RAP1GAP: variants seen among roughly 807,000 people sequenced by gnomAD.
RAP1GAP encodes RAP1 GTPase activating protein, also known as rap1 GTPase-activating protein 1.
RAP1GAP carries 35 observed loss-of-function variants against 87.2 expected under a neutral mutation model. That is an observed-to-expected ratio of 0.40 (90% CI 0.31 to 0.53). The LOEUF is 0.53. RAP1GAP is among the 20% of genes least tolerant of loss of function. RAP1GAP has a pLI of 0.48. For missense variants in RAP1GAP, 734 were observed against 898.9 expected, an observed-to-expected ratio of 0.82 and a Z score of 2.35; for synonymous variants, 375 against 363.9, an observed-to-expected ratio of 1.03 and a Z score of -0.35.
chr1:21,628,223 G>T (rs1157435686), intron 2 of RAP1GAP, among the ~76,000 whole-genome samples: 2 of 152,026 alleles, frequency 1.3e-5, no homozygotes, highest in Non-Finnish European at 2.9e-5. Flanking sequence ...AGAGTCTGGA[G>T]TGGGAGGGTG....
At chr1:21,629,578 C>T (rs889417724) in intron 2 of RAP1GAP, among the ~76,000 whole-genome samples, 3 of 152,050 alleles carry the variant, frequency 2.0e-5, no homozygotes, top group Non-Finnish European at 4.4e-5. Context: ...CTGCTGAGGC[C>T]GTAAGGGGCA....
At position 21,613,250 on chromosome 1, in the gene RAP1GAP, G is replaced by C; in HGVS notation, c.475-21C>G. On this transcript the variant is annotated intron_variant, in intron 9 of 24. Coordinates refer to ENST00000374765, the MANE Select transcript of RAP1GAP (RefSeq NM_002885.4). This position sits in a 1 kb window ranked among gnomAD's most constrained non-coding sequence, Gnocchi z 4.7. Reference sequence around the variant, plus strand: ...ACCAACTGCAGGAGGAGATAAGGGAGGGGTGTGAGGTGTGGGGCCAGGGAG... The same window carrying C: ...ACCAACTGCAGGAGGAGATAAGGGACGGGTGTGAGGTGTGGGGCCAGGGAG... 6.5e-7 allele frequency: 1 copy of C among 1,537,190 alleles called. No homozygotes were observed. Among genetic ancestry groups the C allele is most frequent in the Non-Finnish European group, 9.0e-7 (1 of 1,110,202 alleles).
intron 13 of RAP1GAP, among the ~76,000 whole-genome samples, chr1:21,611,153 C>T (rs2077965209): frequency 6.6e-6 from 1 of 152,198 alleles, no homozygotes; most frequent in Non-Finnish European, 1.5e-5. Flanking sequence ...ATGATGCTCT[C>T]CACTCCCCAT....
rs1239585468 is a variant in RAP1GAP at position 21,626,537 on chromosome 1, G to A, written c.-112-140C>T. 1.8e-5 allele frequency: 12 copies of A among 678,642 alleles called. No individual in the cohort carries two copies. The East Asian group carries it at 1.9e-4, about 11-fold the overall frequency. The allele number at this position is 678,642 out of a possible 1,614,324, so 42.0% of individuals were successfully genotyped here. A position where few individuals can be genotyped will look rare whatever the true frequency, so the allele number is the denominator to read the frequency against. ...GAGGGTCATGGGTTCCCCAAGAGGA[G>A]GGAGAGGAGGGGCTTCATTAGCAGG... is the stretch of plus-strand genomic sequence containing the variant. On this transcript the variant is annotated intron_variant, in intron 2 of 24. Coordinates refer to ENST00000374765, the MANE Select transcript of RAP1GAP (RefSeq NM_002885.4).
intron 2 of RAP1GAP, among the ~76,000 whole-genome samples, chr1:21,637,733 G>T (rs1318110312): frequency 6.6e-6 from 1 of 152,064 alleles, no homozygotes; most frequent in Non-Finnish European, 1.5e-5. Context: ...GACAAAGAAG[G>T]TCTTTAGTCT....
chr1:21,600,067 C>T (rs1301597201), intron 20 of RAP1GAP, among the ~76,000 whole-genome samples: 1 of 152,196 alleles, frequency 6.6e-6, no homozygotes, highest in African/African-American at 2.4e-5. Context: ...GACAGGCACA[C>T]AGCCCAGGGT....
rs2076845689 is a variant in RAP1GAP at position 21,609,437 on chromosome 1, C to T, written c.1071+138G>A. ...TTCAAGATGAATGGAAAAGCCAGGC[C>T]CCGGTTGCAGTTAGGGGAGCCCAGC... On this transcript the variant is annotated intron_variant, in intron 15 of 24. Coordinates refer to ENST00000374765, the MANE Select transcript of RAP1GAP (RefSeq NM_002885.4). The surrounding 1 kb of genome is among the most constrained non-coding windows in gnomAD (Gnocchi z 4.4). 1.4e-5 allele frequency: 7 copies of T among 508,900 alleles called. No individual in the cohort carries two copies. The South Asian group carries it at 3.3e-4, about 24-fold the overall frequency. 31.5% of individuals were successfully genotyped at this position (508,900 alleles called of 1,614,324 possible).
rs780639133 is a variant in RAP1GAP at position 21,611,562 on chromosome 1, C to A, written c.733G>T (p.Val245Leu). The A allele has an allele frequency of 6.2e-7, 1 of 1,614,182 alleles. No individual in the cohort carries two copies. Among genetic ancestry groups the A allele is most frequent in the Non-Finnish European group, 8.5e-7 (1 of 1,180,032 alleles). The change falls in exon 13 of 25, where the codon GTG becomes TTG. Residue 245 changes from valine to leucine, a missense_variant. Around this residue, in one of 2 missense-constraint regions of RAP1GAP, gnomAD observed 485 missense variants for 646.2 expected, o/e 0.75. Transcript: ENST00000374765. ...TCGGTCCCCGTCTGCCCGTGGGTCA[C>A]GTCCAGGCCTCCTCGGAACCTGCCC... ...DFKGFRGGLDVTHGQTGTESV... is the reference protein window; with the variant it reads ...DFKGFRGGLDLTHGQTGTESV...
Position 21,603,352 on chromosome 1 carries a change from G to T in RAP1GAP, c.1429-439C>A, listed in dbSNP as rs2070775835. The T allele has an allele frequency of 2.4e-6, 1 of 424,002 alleles. No individual in the cohort carries two copies. Among genetic ancestry groups the T allele is most frequent in the Non-Finnish European group, 4.2e-6 (1 of 237,080 alleles). The allele number at this position is 424,002 out of a possible 1,614,324, so 26.3% of individuals were successfully genotyped here. A position where few individuals can be genotyped will look rare whatever the true frequency, so the allele number is the denominator to read the frequency against. On this transcript the variant is annotated intron_variant, in intron 18 of 24. Coordinates refer to ENST00000374765, the MANE Select transcript of RAP1GAP (RefSeq NM_002885.4). The surrounding 1 kb of genome is among the most constrained non-coding windows in gnomAD (Gnocchi z 6.0). ...TCCAAATTGGCTGGGGGAGGTTCTGGCCCAGCAGCTGGAAGACTCCCCCAG... is the reference window on the plus strand; with the variant it reads ...TCCAAATTGGCTGGGGGAGGTTCTGTCCCAGCAGCTGGAAGACTCCCCCAG...
At chr1:21,655,824 A>C (rs1258396874) in intron 1 of RAP1GAP, among the ~76,000 whole-genome samples, 1 of 152,140 alleles carries the variant, frequency 6.6e-6, no homozygotes, top group East Asian at 1.9e-4. Flanking sequence ...TGTTCCACCT[A>C]CCTACCTCCA....
At chr1:21,660,546 C>T (rs1011528817) in intron 1 of RAP1GAP, among the ~76,000 whole-genome samples, 1 of 151,480 alleles carries the variant, frequency 6.6e-6, no homozygotes, top group African/African-American at 2.4e-5. Flanking sequence ...TTTGGCCAGG[C>T]TGGTCTTCAA....
chr1:21,656,301 C>T (rs1041797611), intron 1 of RAP1GAP, among the ~76,000 whole-genome samples: 2 of 151,694 alleles, frequency 1.3e-5, no homozygotes, highest in South Asian at 2.1e-4. Flanking sequence ...CGTGGTGGCA[C>T]CCAGCTACTC....
At chr1:21,632,170 G>A (rs2093882527) in intron 2 of RAP1GAP, among the ~76,000 whole-genome samples, 1 of 152,142 alleles carries the variant, frequency 6.6e-6, no homozygotes, top group African/African-American at 2.4e-5. Context: ...CTCTCGGGGA[G>A]AGCACCCATC....
rs2094374113 is a variant in RAP1GAP at position 21,634,501 on chromosome 1, C to G, written c.-112-8104G>C. Among the ~76,000 whole-genome samples the G allele has an allele frequency of 6.6e-6, 1 of 152,220 alleles. No homozygotes were observed. The highest frequency in any genetic ancestry group is 6.5e-5 in the Admixed American group (1 of 15,286). ...ATGGGCCAAGGGCCTCAACAGCTACCAAGTGACAGAGCTGGCAGGGTCCCC... is the reference window on the plus strand; with the variant it reads ...ATGGGCCAAGGGCCTCAACAGCTACGAAGTGACAGAGCTGGCAGGGTCCCC... On this transcript the variant is annotated intron_variant, in intron 2 of 24. Coordinates refer to ENST00000374765, the MANE Select transcript of RAP1GAP (RefSeq NM_002885.4). This position sits in a 1 kb window ranked among gnomAD's most constrained non-coding sequence, Gnocchi z 4.1.
At chr1:21,651,959 T>A in intron 1 of RAP1GAP, 1 of 742,646 alleles carries the variant, frequency 1.3e-6, no homozygotes. Context: ...CGGGCCGCGG[T>A]CCAGCTGCCG....
At chr1:21,655,943 C>G (rs1187086576) in intron 1 of RAP1GAP, among the ~76,000 whole-genome samples, 1 of 152,208 alleles carries the variant, frequency 6.6e-6, no homozygotes, top group Non-Finnish European at 1.5e-5. Context: ...GCCAGGGCCT[C>G]CAATAGCCTC....
Position 21,603,848 on chromosome 1 carries a change from C to G in RAP1GAP, c.1429-935G>C. ...GCGGACGACAACCTCTTCCACGGTTCCTATGCCTATGGCACTGCCCCGGCG... is the reference window on the plus strand; with the variant it reads ...GCGGACGACAACCTCTTCCACGGTTGCTATGCCTATGGCACTGCCCCGGCG... On this transcript the variant is annotated intron_variant, in intron 18 of 24. Transcript: ENST00000374765. This position sits in a 1 kb window ranked among gnomAD's most constrained non-coding sequence, Gnocchi z 6.0. The G allele has an allele frequency of 6.2e-7, 1 of 1,607,606 alleles. No individual in the cohort carries two copies. The highest frequency in any genetic ancestry group is 8.5e-7 in the Non-Finnish European group (1 of 1,177,266).
At chr1:21,641,522 T>C (rs2095522168) in intron 2 of RAP1GAP, among the ~76,000 whole-genome samples, 1 of 152,204 alleles carries the variant, frequency 6.6e-6, no homozygotes, top group Non-Finnish European at 1.5e-5. Flanking sequence ...TAGCTGTCTG[T>C]CTCCTGCACT....
At chr1:21,660,352 T>TAGAGAGAGAGAGAGAGAGAGAGAGAG (rs1248298305) in intron 1 of RAP1GAP, among the ~76,000 whole-genome samples, 1 of 85,972 alleles carries the variant, frequency 1.2e-5, no homozygotes, top group Non-Finnish European at 2.7e-5. Flanking sequence ...TATATATTTA[T>TAGAGAGAGAGAGAGAGAGAGAGAGAG]TGAGACAGTC....
Sources: allele counts gnomAD v4.1 joint callset (sites outside exome capture counted in the v4.1 genomes callset), GRCh38; gene constraint gnomAD v4.1.1; regional missense constraint gnomAD v4.1.1; non-coding constraint Gnocchi (gnomAD v3.1); transcripts MANE v1.5; gene names NCBI Gene and HGNC (gene_info 2026-07-23, HGNC 2026-07-21).